The following RRAGC variants were observed in gnomAD, a reference collection of about 807,000 sequenced individuals.
The protein encoded by RRAGC is Ras related GTP binding C, also known as ras-related GTP-binding protein C.
RRAGC carries 8 observed loss-of-function variants against 37.1 expected under a neutral mutation model. That is an observed-to-expected ratio of 0.22 (90% CI 0.13 to 0.39). The LOEUF is 0.39. Ranked by LOEUF, RRAGC falls within the 10% of genes least tolerant of loss-of-function variation. The pLI is 1.00. For synonymous variants in RRAGC, 190 were observed against 181.1 expected, an observed-to-expected ratio of 1.05 and a Z score of -0.39; for missense variants, 342 against 497.6, an observed-to-expected ratio of 0.69 and a Z score of 2.98.
chr1:38,859,266 C>A (rs1440185634), intron 1 of RRAGC, 144 bp downstream of exon 1: 3 of 813,110 alleles, frequency 3.7e-6, no homozygotes, highest in Non-Finnish European at 5.6e-6. Context: ...GCGCGGGCCG[C>A]GCCTGTGCGC....
Position 38,839,354 on chromosome 1 carries a change from T to A in RRAGC, c.*199A>T. 2.3e-6 allele frequency: 1 copy of A among 434,686 alleles called. No individual in the cohort carries two copies. Among genetic ancestry groups the A allele is most frequent in the Non-Finnish European group, 4.0e-6 (1 of 252,778 alleles). The allele number at this position is 434,686 out of a possible 1,614,324, so 26.9% of individuals were successfully genotyped here. Reference sequence around the variant, plus strand: ...AATTTTTTTTTTTTTTTTTTGCCATTTTCAAAAAAGATATAGTAGCTTCAG... The same window carrying A: ...AATTTTTTTTTTTTTTTTTTGCCATATTCAAAAAAGATATAGTAGCTTCAG... On this transcript the variant is annotated 3_prime_UTR_variant, in exon 7 of 7. Transcript: ENST00000373001.
rs116025377 is a variant in RRAGC at position 38,854,358 on chromosome 1, T to C, written c.641+1350A>G. On this transcript the variant is annotated intron_variant, in intron 3 of 6. Coordinates refer to ENST00000373001, the MANE Select transcript of RRAGC (RefSeq NM_022157.4). ...TGCTGGGATTATAGGCATAAGCCAC[T>C]ATGCCTGGCCTAAATAAAAGCTTGA... Among the ~76,000 whole-genome samples, 146 of 152,300 alleles carry C rather than the reference T, an allele frequency of 9.6e-4. 1 individual carries two copies. The highest frequency in any genetic ancestry group is 3.2e-3 in the African/African-American group (135 of 41,562).
rs770838298 is a variant in RRAGC at position 38,859,677 on chromosome 1, A to ACAGGCCAGGC, written c.-41_-32dup. The ACAGGCCAGGC allele has an allele frequency of 6.6e-7, 1 of 1,519,386 alleles. No individual in the cohort carries two copies. The allele number at this position is 1,519,386 out of a possible 1,614,324, so 94.1% of individuals were successfully genotyped here. Reference sequence around the variant, plus strand: ...TGGAGCCGCCGCCGCCCGCGCCCTGACAGGCCAGGCCAGGCCGAGCCAGGC... The same window carrying ACAGGCCAGGC: ...TGGAGCCGCCGCCGCCCGCGCCCTGACAGGCCAGGCCAGGCCAGGCCAGGCCGAGCCAGGC... On this transcript the variant is annotated 5_prime_UTR_variant, in exon 1 of 7. Coordinates refer to ENST00000373001, the MANE Select transcript of RRAGC (RefSeq NM_022157.4).
Position 38,839,189 on chromosome 1 carries a change from T to C in RRAGC, c.*364A>G, listed in dbSNP as rs1265576435. 5.5e-6 allele frequency: 1 copy of C among 183,384 alleles called. No individual in the cohort carries two copies. The highest frequency in any genetic ancestry group is 6.0e-5 in the Admixed American group (1 of 16,638). 11.4% of individuals were successfully genotyped at this position (183,384 alleles called of 1,614,324 possible). On this transcript the variant is annotated 3_prime_UTR_variant, in exon 7 of 7. Transcript: ENST00000373001. ...AAGCATATAAAAATTCAGTCTTTTC[T>C]ATTATTTTCAACTGGAATTGATGGC...
At chr1:38,844,369 T>C (rs77716217) in intron 6 of RRAGC, among the ~76,000 whole-genome samples, 1 of 148,946 alleles carries the variant, frequency 6.7e-6, no homozygotes, top group African/African-American at 2.5e-5. Context: ...TAGAGAAGAT[T>C]AACTGAAGCC....
At chr1:38,844,309 C>T (rs17558321) in intron 6 of RRAGC, among the ~76,000 whole-genome samples, 4,102 of 151,972 alleles carry the variant, frequency 0.027, 94 homozygotes, top group Admixed American at 0.044. Context: ...AAACATGGGA[C>T]GAGAGCATGA....
intron 2 of RRAGC, among the ~76,000 whole-genome samples, chr1:38,856,431 A>T (rs1401160897): frequency 6.6e-6 from 1 of 152,160 alleles, no homozygotes; most frequent in East Asian, 1.9e-4. Context: ...CATTCATCTC[A>T]CTGACTGCCA....
rs12753290 is a variant in RRAGC at position 38,859,647 on chromosome 1, G to A, written c.-1C>T. ...CCTCCGCCCCGTACTGCAGGGACAT[G>A]GTGCTGGAGCCGCCGCCGCCCGCGC... On this transcript the variant is annotated 5_prime_UTR_variant, in exon 1 of 7. Transcript: ENST00000373001. 2.6e-6 allele frequency: 4 copies of A among 1,548,174 alleles called. No individual in the cohort carries two copies. Among genetic ancestry groups the A allele is most frequent in the Admixed American group, 3.9e-5 (2 of 50,766 alleles).
rs1401727065 is a variant in RRAGC at position 38,839,084 on chromosome 1, C to T, written c.*469G>A. On this transcript the variant is annotated 3_prime_UTR_variant, in exon 7 of 7. Coordinates refer to ENST00000373001, the MANE Select transcript of RRAGC (RefSeq NM_022157.4). ...TAAAAGGTCTTAGTTGTGCAATGTCCAAAACTGAAATCTGAGAGGCAGTGT... is the reference window on the plus strand; with the variant it reads ...TAAAAGGTCTTAGTTGTGCAATGTCTAAAACTGAAATCTGAGAGGCAGTGT... 6.5e-6 allele frequency: 1 copy of T among 153,668 alleles called. No homozygotes were observed. Among genetic ancestry groups the T allele is most frequent in the Non-Finnish European group, 1.4e-5 (1 of 69,128 alleles). 9.5% of individuals were successfully genotyped at this position (153,668 alleles called of 1,614,324 possible).
chr1:38,859,338 TCCCGGGCGTC>T (rs1642206352), intron 1 of RRAGC, 62 bp downstream of exon 1: 2 of 1,385,966 alleles, frequency 1.4e-6, no homozygotes. Flanking sequence ...GCCGCCGCCC[TCCCGGGCGTC>T]CCCGCTACCG....
rs1010454775 is a variant in RRAGC at position 38,859,306 on chromosome 1, G to A, written c.237+104C>T. The A allele has an allele frequency of 9.1e-4, 967 of 1,063,266 alleles. 14 individuals carry two copies. Among genetic ancestry groups the A allele is most frequent in the Non-Finnish European group, 1.9e-4 (137 of 738,994 alleles). 65.9% of individuals were successfully genotyped at this position (1,063,266 alleles called of 1,614,324 possible). A position where few individuals can be genotyped will look rare whatever the true frequency, so the allele number is the denominator to read the frequency against. On this transcript the variant is annotated intron_variant, in intron 1 of 6. Coordinates refer to ENST00000373001, the MANE Select transcript of RRAGC (RefSeq NM_022157.4). ...AAGAGTGGAAGAGAAAGTGCGGAGG[G>A]ACGGAGCGCAGGCGGGCCCCGGCCG...
intron 6 of RRAGC, among the ~76,000 whole-genome samples, chr1:38,842,133 G>A (rs1056880308): frequency 2.0e-5 from 3 of 152,154 alleles, no homozygotes; most frequent in Non-Finnish European, 2.9e-5. Context: ...TTAGCCAGGC[G>A]TGCAGGCGGG....
intron 3 of RRAGC, among the ~76,000 whole-genome samples, chr1:38,853,884 T>C (rs1345463172): frequency 1.3e-5 from 2 of 152,064 alleles, no homozygotes; most frequent in Non-Finnish European, 2.9e-5. Flanking sequence ...GAAAGGAATA[T>C]TTTAGTGTTT....
intron 5 of RRAGC, 141 bp from the exon 6 acceptor site, chr1:38,846,228 G>A: frequency 1.5e-6 from 1 of 681,940 alleles, no homozygotes; most frequent in Non-Finnish European, 2.5e-6. Context: ...AGAGAGTGTT[G>A]TTAAGGTATA....
chr1:38,856,859 G>T lies in RRAGC; in HGVS notation c.441+20C>A, dbSNP rs1642173262. 6.2e-7 allele frequency: 1 copy of T among 1,608,158 alleles called. No homozygotes were observed. The highest frequency in any genetic ancestry group is 1.7e-5 in the Admixed American group (1 of 59,972). On this transcript the variant is annotated intron_variant, in intron 2 of 6. Transcript: ENST00000373001. Reference sequence around the variant, plus strand: ...ATCTTTTTCCCACCAGGAAAGAGGAGTAAACACATTACTGACTACCTGTGC... The same window carrying T: ...ATCTTTTTCCCACCAGGAAAGAGGATTAAACACATTACTGACTACCTGTGC...
At chr1:38,856,590 T>G (rs1028459815) in intron 2 of RRAGC, 5 of 238,178 alleles carry the variant, frequency 2.1e-5, no homozygotes, top group Non-Finnish European at 8.1e-6. Context: ...TCACTATTAT[T>G]ATAAAATTAT....
chr1:38,852,587 T>C, intron 3 of RRAGC, 99 bp from the exon 4 acceptor site: 1 of 628,622 alleles, frequency 1.6e-6, no homozygotes, highest in East Asian at 2.9e-5. Flanking sequence ...ACATTTGATT[T>C]CAGTGAGTTC....
chr1:38,851,196 T>C (rs1303248968), intron 5 of RRAGC, among the ~76,000 whole-genome samples: 1 of 152,230 alleles, frequency 6.6e-6, no homozygotes, highest in African/African-American at 2.4e-5. Flanking sequence ...CTTTCTTTGC[T>C]CTCTGAAAGA....
intron 6 of RRAGC, among the ~76,000 whole-genome samples, chr1:38,840,033 A>T (rs1557582740): frequency 1.3e-5 from 2 of 151,970 alleles, no homozygotes. Flanking sequence ...CTGTAGTACC[A>T]GCTACTCAGG....
Sources: gnomAD v4.1 joint callset for allele counts (sites outside exome capture counted in the v4.1 genomes callset) on GRCh38, gnomAD v4.1.1 for gene constraint, MANE v1.5 for transcripts, NCBI Gene and HGNC (gene_info 2026-07-23, HGNC 2026-07-21) for gene names.